The following CACNA1D variants were observed in gnomAD, a reference collection of about 807,000 sequenced individuals.
CACNA1D encodes calcium voltage-gated channel subunit alpha1 D.
Under a neutral mutation model 257.1 loss-of-function variants are expected in CACNA1D, and 55 were observed. The ratio of observed to expected loss-of-function variants is 0.21; its 90% CI spans 0.17 to 0.27. CACNA1D has a LOEUF of 0.27. Ranked by LOEUF, CACNA1D falls within the 10% of genes least tolerant of loss-of-function variation. The pLI is 1.00. For synonymous variants in CACNA1D, 980 were observed against 1,014.9 expected (o/e 0.97, Z 0.65); for missense variants, 1,876 against 2,784.0 (o/e 0.67, Z 7.34).
chr3:53,536,384 A>G (rs780118892), intron 3 of CACNA1D, among the ~76,000 whole-genome samples: 2 of 152,094 alleles, frequency 1.3e-5, no homozygotes, highest in East Asian at 1.9e-4. Context: ...AATAGATTCT[A>G]TCTCTAATGA....
chr3:53,663,704 A>G (rs2094229538), intron 5 of CACNA1D, among the ~76,000 whole-genome samples: 1 of 151,982 alleles, frequency 6.6e-6, no homozygotes, highest in Non-Finnish European at 1.5e-5. Flanking sequence ...GAGTCTGAGG[A>G]TTTCAGACTC....
At chr3:53,614,545 C>G (rs1333233001) in intron 3 of CACNA1D, among the ~76,000 whole-genome samples, 1 of 152,178 alleles carries the variant, frequency 6.6e-6, no homozygotes. Flanking sequence ...GCTGAGTGAG[C>G]ACAGTACAAC....
intron 3 of CACNA1D, among the ~76,000 whole-genome samples, chr3:53,628,407 A>C (rs569288306): frequency 6.6e-6 from 1 of 152,354 alleles, no homozygotes; most frequent in Admixed American, 6.5e-5. Context: ...TGCTTACATC[A>C]GTGCTGACAG....
intron 9 of CACNA1D, among the ~76,000 whole-genome samples, chr3:53,713,491 GCT>G (rs1466311672): frequency 1.2e-4 from 16 of 135,550 alleles, no homozygotes; most frequent in Non-Finnish European, 2.4e-4. Flanking sequence ...AGACTCATTT[GCT>G]CTGTGTGTAT....
At chr3:53,780,224 G>C in intron 38 of CACNA1D, 96 bp downstream of exon 38, 1 of 966,442 alleles carries the variant, frequency 1.0e-6, no homozygotes, top group Non-Finnish European at 1.7e-6. Context: ...CTTGGCCAAG[G>C]GGAGGCCCTG....
At chr3:53,699,678 A>G (rs1442543969) in intron 8 of CACNA1D, among the ~76,000 whole-genome samples, 1 of 152,240 alleles carries the variant, frequency 6.6e-6, no homozygotes, top group African/African-American at 2.4e-5. Flanking sequence ...CTCTGTCCAC[A>G]TCAATAAATA....
Position 53,673,580 on chromosome 3 carries a change from GAA to G in CACNA1D, c.1220+455_1220+456del. ...ATTTGCAGAAAAAAAAAAAAAAAGG[GAA>G]GGACCTAGGCCCAGTCCCTGTCCTA... On this transcript the variant is annotated intron_variant, in intron 8 of 47. Coordinates refer to ENST00000350061, the MANE Select transcript of CACNA1D (RefSeq NM_001128840.3). This position sits in a 1 kb window ranked among gnomAD's most constrained non-coding sequence, Gnocchi z 4.1. 1 of 683,984 alleles carries G rather than the reference GAA, an allele frequency of 1.5e-6. No individual in the cohort carries two copies. The highest frequency in any genetic ancestry group is 2.6e-6 in the Non-Finnish European group (1 of 382,464). The allele number at this position is 683,984 out of a possible 1,614,324, so 42.4% of individuals were successfully genotyped here.
intron 3 of CACNA1D, among the ~76,000 whole-genome samples, chr3:53,579,644 C>T (rs960939374): frequency 6.6e-6 from 1 of 152,206 alleles, no homozygotes; most frequent in Non-Finnish European, 1.5e-5. Context: ...CAAAAACATA[C>T]TCCCAGTAAA....
chr3:53,505,237 T>C (rs2090787376), intron 3 of CACNA1D, among the ~76,000 whole-genome samples: 1 of 150,384 alleles, frequency 6.6e-6, no homozygotes, highest in South Asian at 2.1e-4. Flanking sequence ...GCCTCCTGAG[T>C]AGCTGGGACT....
intron 3 of CACNA1D, among the ~76,000 whole-genome samples, chr3:53,593,836 G>A (rs2093338681): frequency 6.6e-6 from 1 of 152,218 alleles, no homozygotes; most frequent in South Asian, 2.1e-4. Flanking sequence ...GCTGGGAAAT[G>A]TGGCCCGTGT....
At chr3:53,810,771 A>AC (rs1160548076) in intron 47 of CACNA1D, among the ~76,000 whole-genome samples, 8 of 146,738 alleles carry the variant, frequency 5.5e-5, no homozygotes. Flanking sequence ...AAAAAAAAAA[A>AC]AAAAAAAAAA....
chr3:53,635,482 G>A (rs531699003), intron 3 of CACNA1D, among the ~76,000 whole-genome samples: 24 of 152,292 alleles, frequency 1.6e-4, no homozygotes, highest in Non-Finnish European at 3.4e-4. Flanking sequence ...AGGGAAGATG[G>A]GTGGGTTATG....
chr3:53,786,427 G>A (rs2095453205), intron 39 of CACNA1D: 1 of 233,640 alleles, frequency 4.3e-6, no homozygotes, highest in East Asian at 1.0e-4. Context: ...GTTTATGGTA[G>A]TTATACATGC....
rs2106774776 is a variant in CACNA1D at position 53,800,817 on chromosome 3, C to G, written c.5041-241C>G. ...AACTTGGAGCAACTGGAAGAGCACA[C>G]TCGAGTGACAGCCGACAGCTTGCTC... On this transcript the variant is annotated intron_variant, in intron 41 of 47. Coordinates refer to ENST00000350061, the MANE Select transcript of CACNA1D (RefSeq NM_001128840.3). The surrounding 1 kb of genome is among the most constrained non-coding windows in gnomAD (Gnocchi z 4.3). 1 of 594,734 alleles carries G rather than the reference C, an allele frequency of 1.7e-6. No homozygotes were observed. Among genetic ancestry groups the G allele is most frequent in the East Asian group, 2.9e-5 (1 of 34,534 alleles). The allele number at this position is 594,734 out of a possible 1,614,324, so 36.8% of individuals were successfully genotyped here.
intron 43 of CACNA1D, among the ~76,000 whole-genome samples, chr3:53,802,809 ATCACCACG>A (rs995344932): frequency 1.3e-5 from 2 of 152,224 alleles, no homozygotes; most frequent in Non-Finnish European, 2.9e-5. Flanking sequence ...GAGGATTGAC[ATCACCACG>A]TCCTTCTCTG....
At chr3:53,765,484 A>G (rs920742894) in intron 30 of CACNA1D, 3 of 152,688 alleles carry the variant, frequency 2.0e-5, no homozygotes, top group Admixed American at 6.5e-5. Flanking sequence ...ATAAGCATAT[A>G]TACGGTGAAG....
chr3:53,749,331 G>A lies in CACNA1D; in HGVS notation c.3378G>A (p.Val1126=). ...ENIGPIYNHR[V]EISIFFIIYI... The stretch of plus-strand genomic sequence containing the variant: ...TCGGCCCAATCTACAACCACCGCGT[G>A]GAGATCTCCATCTTCTTCATCATCT... The change falls in exon 27 of 48, where the codon GTG becomes GTA. Residue 1126 remains valine (V), a synonymous_variant. Transcript: ENST00000350061. 1 of 1,613,660 alleles carries A rather than the reference G, an allele frequency of 6.2e-7. No homozygotes were observed. Among genetic ancestry groups the A allele is most frequent in the Non-Finnish European group, 8.5e-7 (1 of 1,179,564 alleles).
intron 38 of CACNA1D, among the ~76,000 whole-genome samples, chr3:53,780,701 G>A (rs2095421199): frequency 6.6e-6 from 1 of 152,196 alleles, no homozygotes; most frequent in African/African-American, 2.4e-5. Context: ...GTCAAATCCT[G>A]GTAAAACAGG....
chr3:53,508,571 G>A (rs2090963655), intron 3 of CACNA1D, among the ~76,000 whole-genome samples: 1 of 152,182 alleles, frequency 6.6e-6, no homozygotes, highest in Non-Finnish European at 1.5e-5. Flanking sequence ...GTGAGAGCAA[G>A]GCATTTCTTT....
Sources: allele counts gnomAD v4.1 joint callset (sites outside exome capture counted in the v4.1 genomes callset), GRCh38; gene constraint gnomAD v4.1.1; non-coding constraint Gnocchi (gnomAD v3.1); transcripts MANE v1.5; gene names NCBI Gene and HGNC (gene_info 2026-07-23, HGNC 2026-07-21).